Variants in CTNNA3 observed in about 807,000 individuals in gnomAD.
CTNNA3 encodes the protein catenin alpha-3.
CTNNA3 carries 76 observed loss-of-function variants against 95.7 expected under a neutral mutation model. The observed-to-expected ratio is 0.79, with a 90% confidence interval of 0.66 to 0.96. The LOEUF is 0.96. Ranked by LOEUF, CTNNA3 falls within the 40% of genes least tolerant of loss-of-function variation. CTNNA3 has a pLI of 0.00. For missense variants in CTNNA3, 1,191 were observed against 1,089.8 expected (o/e 1.09, Z -1.31); for synonymous variants, 431 against 374.4 (o/e 1.15, Z -1.74).
intron 14 of CTNNA3, among the ~76,000 whole-genome samples, chr10:66,078,711 T>C (rs921117529): frequency 1.3e-5 from 2 of 152,000 alleles, no homozygotes; most frequent in African/African-American, 4.8e-5. Flanking sequence ...ATTTATTTAA[T>C]TGCATTGTGT....
intron 7 of CTNNA3, among the ~76,000 whole-genome samples, chr10:66,859,593 T>A (rs1046738375): frequency 5.3e-5 from 8 of 150,362 alleles, no homozygotes; most frequent in African/African-American, 2.0e-4. Flanking sequence ...TCAACCATTG[T>A]GGAAGTCAGT....
chr10:67,367,375 C>T (rs1223525053), intron 5 of CTNNA3, among the ~76,000 whole-genome samples: 2 of 151,786 alleles, frequency 1.3e-5, no homozygotes, highest in African/African-American at 4.8e-5. Context: ...TCCCATCTTA[C>T]ACAAGTCAGA....
intron 7 of CTNNA3, among the ~76,000 whole-genome samples, chr10:66,884,756 C>T (rs1844979992): frequency 6.6e-6 from 1 of 151,976 alleles, no homozygotes; most frequent in Non-Finnish European, 1.5e-5. Flanking sequence ...ATAACCAATA[C>T]AGAGGGGCAA....
intron 12 of CTNNA3, among the ~76,000 whole-genome samples, chr10:66,296,125 T>C (rs2091773507): frequency 6.6e-6 from 1 of 152,180 alleles, no homozygotes; most frequent in Non-Finnish European, 1.5e-5. Flanking sequence ...GAAGTACACA[T>C]AATTCTGGAT....
intron 13 of CTNNA3, among the ~76,000 whole-genome samples, chr10:66,269,369 G>A (rs10822784): frequency 0.19 from 28,375 of 152,078 alleles, 2,927 homozygotes; most frequent in Admixed American, 0.27. Context: ...TTTGGTAAAT[G>A]GGAGTCGTGA....
chr10:66,841,236 C>A (rs1589318377), intron 7 of CTNNA3, among the ~76,000 whole-genome samples: 1 of 152,058 alleles, frequency 6.6e-6, no homozygotes, highest in Non-Finnish European at 1.5e-5. Context: ...TATTTACTTA[C>A]AAACGGTGTA....
intron 10 of CTNNA3, among the ~76,000 whole-genome samples, chr10:66,588,997 A>G (rs186264596): frequency 5.7e-4 from 87 of 152,260 alleles, no homozygotes; most frequent in Non-Finnish European, 1.1e-3. Flanking sequence ...TAGTAATTAA[A>G]TACATTTGTT....
chr10:67,364,363 A>G (rs570625723), intron 5 of CTNNA3, among the ~76,000 whole-genome samples: 166 of 152,318 alleles, frequency 1.1e-3, no homozygotes, highest in African/African-American at 3.7e-3. Context: ...CACAGCCAAT[A>G]TCATACTGAA....
chr10:67,498,450 G>A (rs530643433), intron 5 of CTNNA3, among the ~76,000 whole-genome samples: 4 of 152,236 alleles, frequency 2.6e-5, no homozygotes, highest in South Asian at 4.1e-4. Flanking sequence ...ATTTAAAGTC[G>A]TTTTTTCTAA....
At chr10:66,856,234 TG>T (rs1449058364) in intron 7 of CTNNA3, among the ~76,000 whole-genome samples, 1 of 152,068 alleles carries the variant, frequency 6.6e-6, no homozygotes, top group African/African-American at 2.4e-5. Flanking sequence ...CCAACCATGT[TG>T]TGGCAAAGGA....
At chr10:67,110,975 C>T (rs1858885249) in intron 7 of CTNNA3, among the ~76,000 whole-genome samples, 1 of 152,078 alleles carries the variant, frequency 6.6e-6, no homozygotes, top group Non-Finnish European at 1.5e-5. Flanking sequence ...TAAATTTCTC[C>T]ATTCCATTAG....
At chr10:66,016,597 G>A (rs1212103233) in intron 15 of CTNNA3, among the ~76,000 whole-genome samples, 3 of 152,122 alleles carry the variant, frequency 2.0e-5, no homozygotes, top group Non-Finnish European at 4.4e-5. Flanking sequence ...ACTGTCTAAA[G>A]AGTGAGTCTA....
intron 12 of CTNNA3, among the ~76,000 whole-genome samples, chr10:66,287,743 C>T (rs1181350213): frequency 1.3e-5 from 2 of 152,008 alleles, no homozygotes; most frequent in African/African-American, 4.8e-5. Flanking sequence ...TCCAACCAAT[C>T]CATCAGTTAA....
chr10:66,645,407 G>T (rs550019560), intron 9 of CTNNA3, among the ~76,000 whole-genome samples: 1 of 151,990 alleles, frequency 6.6e-6, no homozygotes, highest in African/African-American at 2.4e-5. Context: ...GACTTCGTTC[G>T]GAACTCATTT....
At chr10:65,959,810 C>G (rs1564541254) in intron 17 of CTNNA3, among the ~76,000 whole-genome samples, 1 of 152,178 alleles carries the variant, frequency 6.6e-6, no homozygotes, top group Admixed American at 6.5e-5. Flanking sequence ...GCCACCGTAC[C>G]TGGCAACTCC....
At chr10:66,677,906 C>T (rs1297504783) in intron 9 of CTNNA3, among the ~76,000 whole-genome samples, 1 of 102,108 alleles carries the variant, frequency 9.8e-6, no homozygotes, top group African/African-American at 4.7e-5. Context: ...ATAGGTCAAA[C>T]TTTGAGTAAC....
intron 7 of CTNNA3, among the ~76,000 whole-genome samples, chr10:66,890,090 C>T (rs528796938): frequency 2.0e-5 from 3 of 152,204 alleles, no homozygotes; most frequent in East Asian, 1.9e-4. Context: ...CGCACCCGGC[C>T]GGAACCACAG....
chr10:66,782,493 C>T (rs2132849799), intron 7 of CTNNA3, among the ~76,000 whole-genome samples: 1 of 152,232 alleles, frequency 6.6e-6, no homozygotes. Flanking sequence ...CTCAATTTTG[C>T]TATAAAAATT....
In CTNNA3 at chr10:67,360,650, C is replaced by A. The variant is rs949441815; in HGVS notation, c.580-140780G>T. Among the ~76,000 whole-genome samples, 4 of 152,046 alleles carry A rather than the reference C, an allele frequency of 2.6e-5. No individual in the cohort carries two copies. In the East Asian group the frequency reaches 5.8e-4, roughly 22 times the overall value. Reference sequence around the variant, plus strand: ...TAGCAGCTTCTGCTTCTGGGGAGGTCTCAGGGAGCTTCCAATCATGGTGGA... The same window carrying A: ...TAGCAGCTTCTGCTTCTGGGGAGGTATCAGGGAGCTTCCAATCATGGTGGA... On this transcript the variant is annotated intron_variant, in intron 5 of 17. Transcript: ENST00000433211.
Sources: allele counts gnomAD v4.1 joint callset (sites outside exome capture counted in the v4.1 genomes callset), GRCh38; gene constraint gnomAD v4.1.1; transcripts MANE v1.5; gene names NCBI Gene and HGNC (gene_info 2026-07-23, HGNC 2026-07-21).